Variants in TSC22D3 observed in about 807,000 individuals in gnomAD.
TSC22D3 encodes TSC22 domain family member 3, also known as TSC22 domain family protein 3.
Under a neutral mutation model 11.1 loss-of-function variants are expected in TSC22D3, and 4 were observed. The ratio of observed to expected loss-of-function variants is 0.36; its 90% confidence interval spans 0.18 to 0.83. TSC22D3 has a LOEUF of 0.83. Ranked by LOEUF, TSC22D3 falls within the 40% of genes least tolerant of loss-of-function variation. The pLI, the probability that TSC22D3 is intolerant of heterozygous loss-of-function variation, is 0.48. For synonymous variants in TSC22D3, 77 were observed against 70.3 expected (o/e 1.10, Z -0.48); for missense variants, 118 against 159.4 (o/e 0.74, Z 1.40).
intron 1 of TSC22D3, among the ~76,000 whole-genome samples, chrX:107,750,529 C>A (rs1928890607): frequency 9.0e-6 from 1 of 111,384 alleles, no homozygotes; most frequent in Non-Finnish European, 1.9e-5. Context: ...GCATCACAGG[C>A]AAGGGGCATT....
chrX:107,748,216 TGAC>T (rs1440103209), intron 1 of TSC22D3, among the ~76,000 whole-genome samples: 2 of 112,384 alleles, frequency 1.8e-5, no homozygotes, highest in Non-Finnish European at 3.8e-5. Flanking sequence ...CTTCTCCGTG[TGAC>T]CTTGGGCAAG....
intron 1 of TSC22D3, among the ~76,000 whole-genome samples, chrX:107,745,557 T>A (rs745817096): frequency 5.3e-5 from 6 of 112,616 alleles, no homozygotes; most frequent in Non-Finnish European, 9.4e-5. Flanking sequence ...AAATCAGAAC[T>A]GTCTCTAGTT....
intron 1 of TSC22D3, among the ~76,000 whole-genome samples, chrX:107,722,594 T>A (rs770409149): frequency 8.9e-6 from 1 of 112,090 alleles, no homozygotes; most frequent in Admixed American, 9.4e-5. Context: ...TTTAGCTCAG[T>A]GGATCTTAAA....
intron 1 of TSC22D3, among the ~76,000 whole-genome samples, chrX:107,755,460 A>G (rs969742578): frequency 5.3e-5 from 6 of 112,625 alleles, no homozygotes; most frequent in African/African-American, 6.5e-5. Context: ...CAGAACCTTC[A>G]TCGTCTTTCT....
At chrX:107,731,432 T>C (rs1484763493) in intron 1 of TSC22D3, among the ~76,000 whole-genome samples, 2 of 111,886 alleles carry the variant, frequency 1.8e-5, no homozygotes, top group East Asian at 5.6e-4. Flanking sequence ...TTTCCCCTAA[T>C]TGTAAAATGA....
chrX:107,757,747 C>A (rs1929242545), intron 1 of TSC22D3, among the ~76,000 whole-genome samples: 1 of 110,232 alleles, frequency 9.1e-6, no homozygotes, highest in African/African-American at 3.3e-5. Flanking sequence ...CCCTAAGGCG[C>A]CAAGGAGGAC....
rs1391451171 is a variant in TSC22D3 at position 107,747,477 on chromosome X, G to A, written c.320+27623C>T. 1.8e-5 allele frequency among the ~76,000 whole-genome samples: 2 copies of A among 112,580 alleles called. 1 individual carries two copies. The highest frequency in any genetic ancestry group is 1.9e-4 in the Admixed American group (2 of 10,706). ...GTGCAGTGTGCACAGAAAACCTAGC[G>A]ACCAGTGAGTTTTTACCCAGTCCCG... On this transcript the variant is annotated intron_variant, in intron 1 of 2. Transcript: ENST00000372383.
At position 107,716,779 on chromosome X, in the gene TSC22D3, C is replaced by T. The variant is rs751207244; in HGVS notation, c.321-829G>A. The T allele has an allele frequency of 7.5e-6, 9 of 1,206,829 alleles. No individual in the cohort carries two copies. The Admixed American group carries it at 1.8e-4, about 24-fold the overall frequency. On this transcript the variant is annotated intron_variant, in intron 1 of 2. Transcript: ENST00000372383. The stretch of plus-strand genomic sequence containing the variant: ...AATTGTGCAGCTGGTAGACCGCCAC[C>T]TCCATGGGGGTCTGATACATTTCGG...
chrX:107,765,746 G>T (rs1439525861), intron 1 of TSC22D3, among the ~76,000 whole-genome samples: 2 of 111,877 alleles, frequency 1.8e-5, no homozygotes, highest in African/African-American at 3.3e-5. Flanking sequence ...GAACCAAAAA[G>T]GCAGAGGGGA....
chrX:107,759,197 T>A (rs1657696390), intron 1 of TSC22D3, among the ~76,000 whole-genome samples: 1 of 111,477 alleles, frequency 9.0e-6, no homozygotes. Flanking sequence ...GACCTCAATG[T>A]TCTGTTCAGC....
intron 1 of TSC22D3, among the ~76,000 whole-genome samples, chrX:107,765,329 A>G (rs2147788383): frequency 8.9e-6 from 1 of 111,859 alleles, no homozygotes; most frequent in East Asian, 2.8e-4. Flanking sequence ...AGGAGGCTGG[A>G]CCAGGTTTGC....
intron 1 of TSC22D3, among the ~76,000 whole-genome samples, chrX:107,763,530 T>C (rs1432298649): frequency 9.0e-6 from 1 of 111,192 alleles, no homozygotes; most frequent in African/African-American, 3.3e-5. Context: ...TTCAGGCTGT[T>C]TTTCAGCCTG....
intron 1 of TSC22D3, among the ~76,000 whole-genome samples, chrX:107,739,572 G>A (rs934794524): frequency 8.9e-6 from 1 of 112,430 alleles, no homozygotes; most frequent in Non-Finnish European, 1.9e-5. Context: ...GTGAGAAAAA[G>A]AAGACCCCAC....
intron 1 of TSC22D3, among the ~76,000 whole-genome samples, chrX:107,768,850 A>G (rs2147792376): frequency 8.9e-6 from 1 of 112,879 alleles, no homozygotes; most frequent in African/African-American, 3.2e-5. Flanking sequence ...TTCATGAGAG[A>G]TACACACTAA....
intron 1 of TSC22D3, among the ~76,000 whole-genome samples, chrX:107,725,411 G>T (rs1299645556): frequency 5.4e-5 from 6 of 111,310 alleles, no homozygotes; most frequent in African/African-American, 2.0e-4. Context: ...GCGGGAGAAG[G>T]GTATTTCTCA....
At chrX:107,738,050 G>A (rs909357392) in intron 1 of TSC22D3, among the ~76,000 whole-genome samples, 11 of 112,337 alleles carry the variant, frequency 9.8e-5, no homozygotes, top group Admixed American at 6.6e-4. Flanking sequence ...GCAAGGGGCA[G>A]AAGTGAGGAC....
At chrX:107,750,144 A>G (rs1928870227) in intron 1 of TSC22D3, among the ~76,000 whole-genome samples, 1 of 112,060 alleles carries the variant, frequency 8.9e-6, no homozygotes, top group Admixed American at 9.5e-5. Context: ...CCTGGGCAAC[A>G]TAGCAACATA....
intron 1 of TSC22D3, among the ~76,000 whole-genome samples, chrX:107,726,587 C>G (rs1927635870): frequency 8.9e-6 from 1 of 112,717 alleles, no homozygotes; most frequent in African/African-American, 3.2e-5. Context: ...AGCAAGATTG[C>G]AAAAATAAAG....
intron 1 of TSC22D3, among the ~76,000 whole-genome samples, chrX:107,723,074 G>T (rs1427017061): frequency 9.1e-6 from 1 of 110,303 alleles, no homozygotes; most frequent in Non-Finnish European, 1.9e-5. Context: ...GGTGGCCTGG[G>T]GTTGGGAAGG....
Sources: allele counts gnomAD v4.1 joint callset (sites outside exome capture counted in the v4.1 genomes callset), GRCh38; gene constraint gnomAD v4.1.1; transcripts MANE v1.5; gene names NCBI Gene and HGNC (gene_info 2026-07-23, HGNC 2026-07-21).